The following KCNIP4 variants were observed in gnomAD, a reference collection of about 807,000 sequenced individuals.
KCNIP4 encodes the protein potassium voltage-gated channel interacting protein 4.
In KCNIP4, 12 loss-of-function variants were observed where a neutral mutation model predicts 34.0. The ratio of observed to expected loss-of-function variants is 0.35; its 90% confidence interval spans 0.23 to 0.57. The LOEUF is 0.57. Ranked by LOEUF, KCNIP4 falls within the 20% of genes least tolerant of loss-of-function variation. The pLI, the probability that KCNIP4 is intolerant of heterozygous loss-of-function variation, is 0.83. For missense variants in KCNIP4, 238 were observed against 311.7 expected (o/e 0.76, Z 1.78); for synonymous variants, 124 against 102.2 (o/e 1.21, Z -1.29).
chr4:21,638,623 C>G (rs1255593708), intron 1 of KCNIP4, among the ~76,000 whole-genome samples: 1 of 152,164 alleles, frequency 6.6e-6, no homozygotes, highest in African/African-American at 2.4e-5. Context: ...GCAAAGATTT[C>G]AATTTCTACA....
At chr4:21,214,950 A>C (rs1757455667) in intron 1 of KCNIP4, among the ~76,000 whole-genome samples, 1 of 152,202 alleles carries the variant, frequency 6.6e-6, no homozygotes, top group Non-Finnish European at 1.5e-5. Context: ...TATGAGTTTC[A>C]AGAGCACAAA....
chr4:21,411,526 C>A (rs1032066309), intron 1 of KCNIP4, among the ~76,000 whole-genome samples: 1 of 152,094 alleles, frequency 6.6e-6, no homozygotes. Context: ...AATAAGGAGT[C>A]AGAGTTGGCC....
chr4:20,892,261 A>C (rs1725995970), intron 1 of KCNIP4, among the ~76,000 whole-genome samples: 1 of 152,312 alleles, frequency 6.6e-6, no homozygotes, highest in African/African-American at 2.4e-5. Context: ...AATTTGCTGA[A>C]AACGATCTAC....
At chr4:21,349,555 T>G (rs1353310647) in intron 1 of KCNIP4, among the ~76,000 whole-genome samples, 3 of 152,180 alleles carry the variant, frequency 2.0e-5, no homozygotes, top group Admixed American at 2.0e-4. Context: ...GAGGAATCTC[T>G]TGGCACCATA....
At chr4:20,731,188 G>A (rs1409508090) in intron 8 of KCNIP4, 1 of 155,562 alleles carries the variant, frequency 6.4e-6, no homozygotes, top group African/African-American at 2.4e-5. Context: ...TCCTGCCTCA[G>A]CCTCCCAAGT....
rs186750963 is a variant in KCNIP4 at position 21,013,038 on chromosome 4, G to C, written c.62-130329C>G. On this transcript the variant is annotated intron_variant, in intron 1 of 8. Transcript: ENST00000382152. ...AGAGGAAACTTCTCACTGCGAAGCT[G>C]AGAATGAACTGAAATGATCAAAAAT... Among the ~76,000 whole-genome samples, 39 of 152,290 alleles carry C rather than the reference G, an allele frequency of 2.6e-4. No individual in the cohort carries two copies. In the East Asian group the frequency reaches 6.8e-3, roughly 26 times the overall value.
At chr4:20,912,103 A>G (rs987324796) in intron 1 of KCNIP4, among the ~76,000 whole-genome samples, 2 of 152,174 alleles carry the variant, frequency 1.3e-5, no homozygotes, top group Non-Finnish European at 2.9e-5. Flanking sequence ...ATCTTGCACT[A>G]GTATGGTTAC....
chr4:21,442,234 GA>G (rs1007430041), intron 1 of KCNIP4, among the ~76,000 whole-genome samples: 10 of 150,720 alleles, frequency 6.6e-5, no homozygotes, highest in Admixed American at 5.9e-4. Context: ...TCGCCAGGAG[GA>G]AAAAAAAAGT....
chr4:21,104,215 A>G (rs374335028), intron 1 of KCNIP4, among the ~76,000 whole-genome samples: 5 of 151,930 alleles, frequency 3.3e-5, no homozygotes, highest in African/African-American at 1.2e-4. Flanking sequence ...CACCAACAGT[A>G]TAAAAGTGTT....
chr4:21,458,716 T>C (rs1729182717), intron 1 of KCNIP4, among the ~76,000 whole-genome samples: 1 of 152,070 alleles, frequency 6.6e-6, no homozygotes, highest in Non-Finnish European at 1.5e-5. Flanking sequence ...CATTCCCCTA[T>C]TCTCACAGCC....
At chr4:20,749,155 C>CTA (rs751106874) in intron 5 of KCNIP4, among the ~76,000 whole-genome samples, 1 of 129,008 alleles carries the variant, frequency 7.8e-6, no homozygotes, top group South Asian at 2.5e-4. Flanking sequence ...GAGACTCTTT[C>CTA]AAAAAAAAAA....
At chr4:21,554,175 TGA>T (rs1373107103) in intron 1 of KCNIP4, among the ~76,000 whole-genome samples, 1 of 152,082 alleles carries the variant, frequency 6.6e-6, no homozygotes, top group Non-Finnish European at 1.5e-5. Context: ...AAGATGTGAC[TGA>T]GAGAGTGAGA....
chr4:21,693,564 A>AAAAT (rs1338070133), intron 1 of KCNIP4, among the ~76,000 whole-genome samples: 10 of 151,462 alleles, frequency 6.6e-5, no homozygotes, highest in South Asian at 2.1e-4. Context: ...CTCCGTCTCA[A>AAAAT]AAATAAATAA....
intron 1 of KCNIP4, among the ~76,000 whole-genome samples, chr4:21,842,135 C>A (rs1311929299): frequency 6.6e-6 from 1 of 152,100 alleles, no homozygotes. Context: ...TTTGCTAATT[C>A]ATGCCCCAAA....
At chr4:21,722,091 C>A (rs1334589582) in intron 1 of KCNIP4, among the ~76,000 whole-genome samples, 1 of 152,148 alleles carries the variant, frequency 6.6e-6, no homozygotes, top group East Asian at 1.9e-4. Flanking sequence ...CATATTCAAT[C>A]ATAGTACCAT....
chr4:20,992,759 G>A (rs1000794870), intron 1 of KCNIP4, among the ~76,000 whole-genome samples: 3 of 152,092 alleles, frequency 2.0e-5, no homozygotes, highest in African/African-American at 7.2e-5. Flanking sequence ...CGAACATGGT[G>A]GCTCATGCCT....
intron 1 of KCNIP4, among the ~76,000 whole-genome samples, chr4:21,457,337 C>A (rs1729039415): frequency 6.6e-6 from 1 of 151,976 alleles, no homozygotes; most frequent in South Asian, 2.1e-4. Flanking sequence ...TACCTTCCTG[C>A]CAGGTTTAAT....
chr4:21,890,875 T>C (rs1727052668), intron 1 of KCNIP4, among the ~76,000 whole-genome samples: 1 of 151,982 alleles, frequency 6.6e-6, no homozygotes, highest in Non-Finnish European at 1.5e-5. Context: ...GAATGAAACA[T>C]AGGGTTTATT....
At chr4:21,556,921 A>AAAAAAAAAAAAAAAAAAC (rs1739081868) in intron 1 of KCNIP4, among the ~76,000 whole-genome samples, 1 of 123,250 alleles carries the variant, frequency 8.1e-6, no homozygotes, top group Non-Finnish European at 1.6e-5. Flanking sequence ...ACTCCATCTC[A>AAAAAAAAAAAAAAAAAAC]GAAAAAAAAA....
Sources: gnomAD v4.1 joint callset for allele counts (sites outside exome capture counted in the v4.1 genomes callset) on GRCh38, gnomAD v4.1.1 for gene constraint, MANE v1.5 for transcripts, NCBI Gene and HGNC (gene_info 2026-07-23, HGNC 2026-07-21) for gene names.